Variants in MAP2K6 observed in about 807,000 individuals in gnomAD.
MAP2K6 encodes dual specificity mitogen-activated protein kinase kinase 6.
A neutral mutation model predicts 53.7 loss-of-function variants in MAP2K6; 16 were observed. The observed-to-expected ratio is 0.30, with a 90% CI of 0.20 to 0.45. The LOEUF is 0.45. Ranked by LOEUF, MAP2K6 falls within the 20% of genes least tolerant of loss-of-function variation. The probability of loss-of-function intolerance (pLI) is 1.00; values close to 1 mark genes in which losing one functional copy is unlikely to be tolerated. For missense variants in MAP2K6, 204 were observed against 411.9 expected (o/e 0.50, Z 4.37); for synonymous variants, 132 against 143.1 (o/e 0.92, Z 0.55).
chr17:69,460,142 C>T (rs960797438), intron 1 of MAP2K6, among the ~76,000 whole-genome samples: 3 of 152,106 alleles, frequency 2.0e-5, no homozygotes, highest in African/African-American at 4.8e-5. Context: ...CAAAAGTGGC[C>T]CCTTGCCTTT....
At chr17:69,478,938 G>C (rs1033099384) in intron 1 of MAP2K6, among the ~76,000 whole-genome samples, 9 of 152,118 alleles carry the variant, frequency 5.9e-5, no homozygotes, top group African/African-American at 2.2e-4. Flanking sequence ...CTAGCACAGG[G>C]GCGAACTTCT....
rs1217334808 is a variant in MAP2K6 at position 69,543,107 on chromosome 17, T to C, written c.*1354T>C. 2 of 152,208 alleles carry C rather than the reference T, an allele frequency of 1.3e-5. No homozygotes were observed. Among genetic ancestry groups the C allele is most frequent in the African/African-American group, 4.8e-5 (2 of 41,458 alleles). 9.4% of individuals were successfully genotyped at this position (152,208 alleles called of 1,614,324 possible). On this transcript the variant is annotated 3_prime_UTR_variant, in exon 12 of 12. Transcript: ENST00000590474. Reference sequence around the variant, plus strand: ...CGTGGGTAAATATACCCACAGGTTCTATGATTTGTAGCTCTAGGTTTCTTG... The same window carrying C: ...CGTGGGTAAATATACCCACAGGTTCCATGATTTGTAGCTCTAGGTTTCTTG...
chr17:69,498,693 CAGAG>C (rs143094012), intron 1 of MAP2K6, among the ~76,000 whole-genome samples: 5 of 150,182 alleles, frequency 3.3e-5, no homozygotes, highest in African/African-American at 1.2e-4. Flanking sequence ...CACGTGCACG[CAGAG>C]AGAGAGAGAA....
At chr17:69,540,525 T>C (rs1260304898) in intron 11 of MAP2K6, among the ~76,000 whole-genome samples, 2 of 152,208 alleles carry the variant, frequency 1.3e-5, no homozygotes, top group Non-Finnish European at 2.9e-5. Context: ...GCTGGGCACT[T>C]ATTGTAACAA....
At chr17:69,531,556 A>C (rs1438726582) in intron 10 of MAP2K6, among the ~76,000 whole-genome samples, 1 of 152,218 alleles carries the variant, frequency 6.6e-6, no homozygotes, top group South Asian at 2.1e-4. Flanking sequence ...CTAACAGGCT[A>C]TCATCACCAC....
chr17:69,522,083 A>G (rs1910514570), intron 7 of MAP2K6, among the ~76,000 whole-genome samples: 1 of 152,172 alleles, frequency 6.6e-6, no homozygotes, highest in African/African-American at 2.4e-5. Context: ...GTAGTCAGGG[A>G]AACTTCTGGG....
At chr17:69,540,548 T>C (rs1911563820) in intron 11 of MAP2K6, among the ~76,000 whole-genome samples, 1 of 152,228 alleles carries the variant, frequency 6.6e-6, no homozygotes, top group Admixed American at 6.5e-5. Flanking sequence ...TTGAGCAATC[T>C]GGGGAGAATT....
intron 1 of MAP2K6, among the ~76,000 whole-genome samples, chr17:69,439,604 C>T (rs973208058): frequency 7.9e-5 from 12 of 152,130 alleles, no homozygotes; most frequent in Non-Finnish European, 1.8e-4. Context: ...AGTTTGAACA[C>T]GTCTTTCTGA....
chr17:69,533,126 A>G (rs1911170978), intron 10 of MAP2K6, among the ~76,000 whole-genome samples: 1 of 151,962 alleles, frequency 6.6e-6, no homozygotes. Flanking sequence ...TCGGGGTTTC[A>G]CCGTATTGGC....
chr17:69,510,766 A>G (rs1490003460), intron 2 of MAP2K6, among the ~76,000 whole-genome samples: 4 of 151,020 alleles, frequency 2.6e-5, no homozygotes, highest in African/African-American at 7.3e-5. Flanking sequence ...TTTCCTGCCT[A>G]TCCTTTAAAT....
At chr17:69,488,443 T>C (rs1438625041) in intron 1 of MAP2K6, among the ~76,000 whole-genome samples, 2 of 152,072 alleles carry the variant, frequency 1.3e-5, no homozygotes, top group Non-Finnish European at 1.5e-5. Context: ...AAGAAAAAAA[T>C]TGTTCTACCA....
chr17:69,520,907 A>G (rs574038760), intron 6 of MAP2K6, 142 bp from the exon 7 acceptor site: 99 of 589,938 alleles, frequency 1.7e-4, no homozygotes, highest in African/African-American at 1.4e-3. Context: ...CTTCCTATGT[A>G]TTTTCCTAGA....
intron 1 of MAP2K6, among the ~76,000 whole-genome samples, chr17:69,459,929 C>T (rs946804026): frequency 1.1e-4 from 16 of 149,990 alleles, no homozygotes; most frequent in Non-Finnish European, 1.8e-4. Flanking sequence ...TTCCTCCCTT[C>T]GTTCCTCTTT....
At chr17:69,521,673 C>G (rs1347779542) in intron 7 of MAP2K6, 1 of 151,988 alleles carries the variant, frequency 6.6e-6, no homozygotes, top group Non-Finnish European at 1.5e-5. Context: ...TTTCTATCCC[C>G]CCATTCATCC....
At chr17:69,513,435 C>T (rs1227674552) in intron 2 of MAP2K6, among the ~76,000 whole-genome samples, 3 of 152,132 alleles carry the variant, frequency 2.0e-5, no homozygotes, top group Non-Finnish European at 4.4e-5. Flanking sequence ...CGTTGATGAC[C>T]GTATGGCTTC....
chr17:69,485,394 C>G (rs1489584082), intron 1 of MAP2K6: 3 of 724,960 alleles, frequency 4.1e-6, no homozygotes, highest in Non-Finnish European at 5.1e-6. Flanking sequence ...TGCAATTCAG[C>G]CTTGCAGAGT....
At chr17:69,492,892 A>G (rs2521346) in intron 1 of MAP2K6, among the ~76,000 whole-genome samples, 80,743 of 152,044 alleles carry the variant, frequency 0.53, 22,768 homozygotes, top group Middle Eastern at 0.66. Flanking sequence ...TCCTCAGCCT[A>G]GCCCACTCAG....
Position 69,488,352 on chromosome 17 carries a change from GA to G in MAP2K6, c.17-17427del, listed in dbSNP as rs553802111. ...CGTAAATTAGTTCAGCCACTCTGGA[GA>G]GCAGTTTGAGAATGTCCCCAAGAAC... On this transcript the variant is annotated intron_variant, in intron 1 of 11. Transcript: ENST00000590474. 2.5e-4 allele frequency among the ~76,000 whole-genome samples: 38 copies of G among 152,276 alleles called. No individual in the cohort carries two copies. In the Middle Eastern group the frequency reaches 0.014, roughly 55 times the overall value.
intron 4 of MAP2K6, 83 bp downstream of exon 4, chr17:69,517,696 G>A: frequency 1.2e-6 from 1 of 839,154 alleles, no homozygotes; most frequent in Non-Finnish European, 1.7e-6. Flanking sequence ...CCTTTTAATA[G>A]AAGCAAAACC....
Sources: allele counts gnomAD v4.1 joint callset (sites outside exome capture counted in the v4.1 genomes callset), GRCh38; gene constraint gnomAD v4.1.1; transcripts MANE v1.5; gene names NCBI Gene and HGNC (gene_info 2026-07-23, HGNC 2026-07-21).